Variants in C4orf50 observed in about 807,000 individuals in gnomAD.
The protein encoded by C4orf50 is chromosome 4 open reading frame 50.
In C4orf50, 80 loss-of-function variants were observed where a neutral mutation model predicts 77.2. The ratio of observed to expected loss-of-function variants is 1.04; its 90% CI spans 0.87 to 1.25. The LOEUF is 1.25. Ranked by LOEUF, C4orf50 falls within the 50% of genes most tolerant of loss-of-function variation. C4orf50 has a pLI of 0.00. For synonymous variants in C4orf50, 532 were observed against 465.3 expected, an observed-to-expected ratio of 1.14 and a Z score of -1.84; for missense variants, 1,257 against 1,152.9, an observed-to-expected ratio of 1.09 and a Z score of -1.31.
intron 7 of C4orf50, chr4:5,899,759 G>T (rs989517444): frequency 6.6e-5 from 10 of 152,194 alleles, no homozygotes; most frequent in African/African-American, 2.2e-4. Context: ...AATCACTGGG[G>T]AGCTTTTCAA....
Position 5,975,897 on chromosome 4 carries a change from A to G in C4orf50, c.3921+2T>C, listed in dbSNP as rs1222313725. Reference sequence around the variant, plus strand: ...TTCATGTTGATTTTATGAACATATTACCTTCAGGGGAGTCACTGCCAACTT... The same window carrying G: ...TTCATGTTGATTTTATGAACATATTGCCTTCAGGGGAGTCACTGCCAACTT... On this transcript the variant is annotated splice_donor_variant, in intron 30 of 33. Transcript: ENST00000531445. LOFTEE classifies it high-confidence loss of function. 5 of 1,606,946 alleles carry G rather than the reference A, an allele frequency of 3.1e-6. No individual in the cohort carries two copies. Among genetic ancestry groups the G allele is most frequent in the Non-Finnish European group, 3.4e-6 (4 of 1,173,394 alleles).
intron 7 of C4orf50, among the ~76,000 whole-genome samples, chr4:5,912,703 G>A (rs556580809): frequency 6.6e-6 from 1 of 152,242 alleles, no homozygotes; most frequent in African/African-American, 2.4e-5. Context: ...GAAGCAGGAG[G>A]CAGAGGAGTG....
At position 5,932,241 on chromosome 4, in the gene C4orf50, G is replaced by A. The variant is rs182642730; in HGVS notation, c.*2474+24660C>T. ...ATGCCCCACAGAGCAGAAGCGTGTC[G>A]CATTTCTACTCTGGCACACTCTTTC... On this transcript the variant is annotated intron_variant, in intron 7 of 7. Coordinates refer to the C4orf50 transcript ENST00000324058. This position sits in a 1 kb window ranked among gnomAD's most constrained non-coding sequence, Gnocchi z 4.2. 2.8e-3 allele frequency among the ~76,000 whole-genome samples: 420 copies of A among 151,252 alleles called. 1 individual carries two copies. Among genetic ancestry groups the A allele is most frequent in the Non-Finnish European group, 4.6e-3 (312 of 67,734 alleles).
At position 5,932,584 on chromosome 4, in the gene C4orf50, T is replaced by G. The variant is rs980870403; in HGVS notation, c.*2474+24317A>C. On this transcript the variant is annotated intron_variant, in intron 7 of 7. Transcript: ENST00000324058. This position sits in a 1 kb window ranked among gnomAD's most constrained non-coding sequence, Gnocchi z 4.2. Reference sequence around the variant, plus strand: ...CTGAGTAGCTGCAACTACAGGTGCATGCAACCACGCCCAGCTAATTTTTAT... The same window carrying G: ...CTGAGTAGCTGCAACTACAGGTGCAGGCAACCACGCCCAGCTAATTTTTAT... Among the ~76,000 whole-genome samples, 8 of 152,172 alleles carry G rather than the reference T, an allele frequency of 5.3e-5. No individual in the cohort carries two copies. The highest frequency in any genetic ancestry group is 1.9e-4 in the African/African-American group (8 of 41,442).
rs77634728 is a variant in C4orf50, at chr4:5,980,117, C to T, written c.3864+57G>A. 7.3e-4 allele frequency: 1,070 copies of T among 1,464,954 alleles called. 5 individuals carry two copies. The African/African-American group carries it at 0.013, about 18-fold the overall frequency. The allele number at this position is 1,464,954 out of a possible 1,614,324, so 90.7% of individuals were successfully genotyped here. ...AGCAAATCTTTGTTCACTCCCAAAA[C>T]GCCCCGGGGTGTGGGAGCCCTGGCT... On this transcript the variant is annotated intron_variant, in intron 29 of 33. Coordinates refer to ENST00000531445, the Ensembl canonical transcript of C4orf50.
chr4:5,918,077 G>A (rs1172069954), intron 7 of C4orf50, among the ~76,000 whole-genome samples: 1 of 152,180 alleles, frequency 6.6e-6, no homozygotes, highest in Non-Finnish European at 1.5e-5. Flanking sequence ...TGTCACTTCT[G>A]CTGTCAGGAA....
intron 7 of C4orf50, among the ~76,000 whole-genome samples, chr4:5,950,233 G>GGCCACTTAGAC (rs1478786131): frequency 1.3e-5 from 2 of 152,244 alleles, no homozygotes; most frequent in African/African-American, 4.8e-5. Context: ...AAAACTGACA[G>GGCCACTTAGAC]GCCACTTAGA....
chr4:5,945,448 G>C (rs1434463812), intron 7 of C4orf50, among the ~76,000 whole-genome samples: 1 of 152,220 alleles, frequency 6.6e-6, no homozygotes, highest in African/African-American at 2.4e-5. Flanking sequence ...GCACCCGGGA[G>C]AGGGGAAACC....
chr4:5,991,770 C>A (rs530749419), intron 27 of C4orf50, among the ~76,000 whole-genome samples: 1 of 152,096 alleles, frequency 6.6e-6, no homozygotes, highest in Non-Finnish European at 1.5e-5. Context: ...GGGTCTGAGC[C>A]TTTGGAGGGT....
intron 23 of C4orf50, 41 bp from the exon 2 acceptor site, chr4:6,012,009 G>T (rs1215275292): frequency 7.5e-6 from 3 of 398,990 alleles, no homozygotes; most frequent in Admixed American, 4.4e-5. Flanking sequence ...TCAGGGTGCA[G>T]TCAACATGGC....
chr4:5,975,588 T>A (rs1400982306), intron 30 of C4orf50, among the ~76,000 whole-genome samples: 1 of 152,124 alleles, frequency 6.6e-6, no homozygotes, highest in African/African-American at 2.4e-5. Context: ...CTCGGCTCAC[T>A]GCAGCCTTGA....
intron 25 of C4orf50, among the ~76,000 whole-genome samples, chr4:6,005,388 AG>A (rs1184246597): frequency 6.6e-6 from 1 of 152,042 alleles, no homozygotes; most frequent in Non-Finnish European, 1.5e-5. Context: ...GACTTTTATA[AG>A]AGGAAGCATG....
chr4:5,941,948 T>C (rs1718286862), intron 7 of C4orf50, among the ~76,000 whole-genome samples: 1 of 152,204 alleles, frequency 6.6e-6, no homozygotes, highest in Non-Finnish European at 1.5e-5. Flanking sequence ...TGGGTTTTGG[T>C]TTCAGTCCCA....
At position 5,958,212 on chromosome 4, in the gene C4orf50, T is replaced by C. The variant is rs1218969468; in HGVS notation, c.*1163A>G. On this transcript the variant is annotated 3_prime_UTR_variant, in exon 34 of 34. Coordinates refer to ENST00000531445, the Ensembl canonical transcript of C4orf50. This position sits in a 1 kb window ranked among gnomAD's most constrained non-coding sequence, Gnocchi z 5.4. ...GTCGTCCAAGCCCCCTAGACTCTCT[T>C]TTTGGGGGGCTGCCCTCAGGATAGA... 2.0e-5 allele frequency: 3 copies of C among 151,816 alleles called. No homozygotes were observed. Among genetic ancestry groups the C allele is most frequent in the Non-Finnish European group, 4.4e-5 (3 of 68,014 alleles). 9.4% of individuals were successfully genotyped at this position (151,816 alleles called of 1,614,324 possible).
At chr4:5,975,569 T>C (rs576114794) in intron 30 of C4orf50, among the ~76,000 whole-genome samples, 1 of 152,268 alleles carries the variant, frequency 6.6e-6, no homozygotes, top group South Asian at 2.1e-4. Context: ...TGGAGAGCAG[T>C]GACGTGATCT....
intron 30 of C4orf50, among the ~76,000 whole-genome samples, chr4:5,974,622 G>A (rs972951977): frequency 1.3e-5 from 2 of 152,144 alleles, no homozygotes; most frequent in Non-Finnish European, 2.9e-5. Context: ...GCCCAGCCCA[G>A]GGCACCTCCC....
intron 7 of C4orf50, among the ~76,000 whole-genome samples, chr4:5,950,868 G>GGAAT (rs751366934): frequency 4.1e-4 from 62 of 152,252 alleles, no homozygotes; most frequent in Admixed American, 1.8e-3. Context: ...ATTGATCATG[G>GGAAT]GAATGAATGA....
At chr4:5,948,445 A>G (rs1040767751) in intron 7 of C4orf50, among the ~76,000 whole-genome samples, 5 of 152,288 alleles carry the variant, frequency 3.3e-5, no homozygotes, top group African/African-American at 9.6e-5. Context: ...TGGGTGGGTC[A>G]CCTGAGGTCA....
Position 6,007,481 on chromosome 4 carries a change from G to T in C4orf50, c.963+515C>A, listed in dbSNP as rs544231235. ...CAGGCCCTCCCCCAACACCAAATCT[G>T]CTGGTGCCTTGATCTTGGACCTCCA... On this transcript the variant is annotated intron_variant, in intron 25 of 33. Transcript: ENST00000531445. This position sits in a 1 kb window ranked among gnomAD's most constrained non-coding sequence, Gnocchi z 4.1. Among the ~76,000 whole-genome samples, 1 of 152,272 alleles carries T rather than the reference G, an allele frequency of 6.6e-6. No homozygotes were observed. Among genetic ancestry groups the T allele is most frequent in the African/African-American group, 2.4e-5 (1 of 41,554 alleles).
Sources: gnomAD v4.1 joint callset for allele counts (sites outside exome capture counted in the v4.1 genomes callset) on GRCh38, gnomAD v4.1.1 for gene constraint, Gnocchi (gnomAD v3.1) non-coding constraint, MANE v1.5 for transcripts, NCBI Gene and HGNC (gene_info 2026-07-23, HGNC 2026-07-21) for gene names.